The following MSRA variants were observed in gnomAD, a reference collection of about 807,000 sequenced individuals.
The protein encoded by MSRA is mitochondrial peptide methionine sulfoxide reductase.
MSRA carries 54 observed loss-of-function variants against 31.3 expected under a neutral mutation model. The ratio of observed to expected loss-of-function variants is 1.73; its 90% CI spans 1.39 to 2.17. The LOEUF is 2.17. Ranked by LOEUF, MSRA falls within the 30% of genes most tolerant of loss-of-function variation. MSRA has a pLI of 0.00. For missense variants in MSRA, 507 were observed against 300.9 expected, an observed-to-expected ratio of 1.69 and a Z score of -5.07; for synonymous variants, 169 against 116.5, an observed-to-expected ratio of 1.45 and a Z score of -2.90.
In MSRA at chr8:10,250,217, C is replaced by T. The variant is rs569823512; in HGVS notation, c.331+4994C>T. On this transcript the variant is annotated intron_variant, in intron 3 of 5. Coordinates refer to ENST00000317173, the MANE Select transcript of MSRA (RefSeq NM_012331.5). The stretch of plus-strand genomic sequence containing the variant: ...TGATTTTAGAAGTAATTGAGCTATT[C>T]AGATTCCTGAATACTCTGATAGAGA... Among the ~76,000 whole-genome samples, 33 of 152,254 alleles carry T rather than the reference C, an allele frequency of 2.2e-4. No individual in the cohort carries two copies. The South Asian group carries it at 6.6e-3, about 31-fold the overall frequency.
chr8:10,063,948 C>T (rs545877359), intron 1 of MSRA, among the ~76,000 whole-genome samples: 10 of 152,304 alleles, frequency 6.6e-5, no homozygotes, highest in African/African-American at 1.2e-4. Context: ...ACTTCTCTGC[C>T]GCCCCTTGGG....
chr8:10,193,752 G>C (rs1358499941), intron 1 of MSRA, among the ~76,000 whole-genome samples: 1 of 152,088 alleles, frequency 6.6e-6, no homozygotes. Context: ...AATATGCGCT[G>C]GGTTATCCAA....
At chr8:10,136,664 G>T (rs1279291911) in intron 1 of MSRA, among the ~76,000 whole-genome samples, 8 of 152,230 alleles carry the variant, frequency 5.3e-5, no homozygotes, top group Non-Finnish European at 1.0e-4. Context: ...GTTAGATGCA[G>T]GCCTTCCAGA....
At chr8:10,095,266 C>T (rs1442431478) in intron 1 of MSRA, among the ~76,000 whole-genome samples, 4 of 152,290 alleles carry the variant, frequency 2.6e-5, no homozygotes, top group African/African-American at 9.6e-5. Context: ...TTCTAGGGAA[C>T]AGATTCCTTA....
intron 4 of MSRA, among the ~76,000 whole-genome samples, chr8:10,307,529 C>A (rs35124054): frequency 0.017 from 2,634 of 152,254 alleles, 35 homozygotes; most frequent in South Asian, 0.038. Context: ...TTTAAAAAAG[C>A]AAATATATTA....
chr8:10,210,172 G>A (rs1317113613), intron 2 of MSRA, among the ~76,000 whole-genome samples: 2 of 152,060 alleles, frequency 1.3e-5, no homozygotes, highest in Non-Finnish European at 2.9e-5. Flanking sequence ...GGATACATTG[G>A]GCATTTCATC....
chr8:10,251,436 G>T (rs1285535228), intron 3 of MSRA, among the ~76,000 whole-genome samples: 1 of 152,088 alleles, frequency 6.6e-6, no homozygotes, highest in Non-Finnish European at 1.5e-5. Context: ...GTCAGTCAAG[G>T]TAAATTACTA....
chr8:10,156,288 G>A (rs1407815863), intron 1 of MSRA, among the ~76,000 whole-genome samples: 1 of 152,130 alleles, frequency 6.6e-6, no homozygotes, highest in African/African-American at 2.4e-5. Flanking sequence ...GTTGGATGAT[G>A]GTATTGAATC....
At chr8:10,083,880 C>G (rs539145036) in intron 1 of MSRA, among the ~76,000 whole-genome samples, 1 of 152,282 alleles carries the variant, frequency 6.6e-6, no homozygotes, top group Admixed American at 6.5e-5. Flanking sequence ...AAAATACTTT[C>G]TCTGAGAATT....
At chr8:10,343,074 C>CACA (rs1803542584) in intron 5 of MSRA, among the ~76,000 whole-genome samples, 1 of 150,554 alleles carries the variant, frequency 6.6e-6, no homozygotes, top group African/African-American at 2.5e-5. Flanking sequence ...CACACACACA[C>CACA]ATTTTAGCTT....
chr8:10,226,279 C>A (rs564577456), intron 2 of MSRA, among the ~76,000 whole-genome samples: 1 of 152,210 alleles, frequency 6.6e-6, no homozygotes, highest in African/African-American at 2.4e-5. Flanking sequence ...TAATAGCCCT[C>A]CCAGCTCTGC....
chr8:10,300,263 T>C (rs957151331), intron 3 of MSRA, among the ~76,000 whole-genome samples: 2 of 152,242 alleles, frequency 1.3e-5, no homozygotes, highest in East Asian at 3.9e-4. Context: ...TTCTTTCTTT[T>C]TTTTTTCTTT....
chr8:10,378,009 C>G (rs1183920203), intron 5 of MSRA, among the ~76,000 whole-genome samples: 1 of 152,228 alleles, frequency 6.6e-6, no homozygotes, highest in Non-Finnish European at 1.5e-5. Flanking sequence ...TAATCAGCAC[C>G]ACCTGCTCAA....
chr8:10,230,287 T>C (rs1037740236), intron 2 of MSRA, among the ~76,000 whole-genome samples: 5 of 152,224 alleles, frequency 3.3e-5, no homozygotes, highest in African/African-American at 9.6e-5. Context: ...TTGTATCTGA[T>C]TGACATTCTG....
chr8:10,078,349 T>A (rs963956045), intron 1 of MSRA, among the ~76,000 whole-genome samples: 4 of 152,116 alleles, frequency 2.6e-5, no homozygotes, highest in African/African-American at 9.7e-5. Context: ...GAATGGTTGG[T>A]TTGGGTGTAT....
intron 2 of MSRA, among the ~76,000 whole-genome samples, chr8:10,225,327 A>G (rs1810898827): frequency 1.3e-5 from 2 of 152,078 alleles, no homozygotes; most frequent in African/African-American, 4.8e-5. Flanking sequence ...TGTTTATGGG[A>G]TAAGGTTTAT....
intron 2 of MSRA, among the ~76,000 whole-genome samples, chr8:10,221,849 A>G (rs1810530508): frequency 6.6e-6 from 1 of 152,120 alleles, no homozygotes; most frequent in Non-Finnish European, 1.5e-5. Flanking sequence ...ATTTATGGAA[A>G]AAGTGTCCCA....
At chr8:10,417,145 C>A (rs1408045181) in intron 5 of MSRA, among the ~76,000 whole-genome samples, 1 of 152,150 alleles carries the variant, frequency 6.6e-6, no homozygotes, top group Non-Finnish European at 1.5e-5. Flanking sequence ...CAAGTTAGAT[C>A]TAATTGTGTC....
chr8:10,167,053 C>T (rs990886748), intron 1 of MSRA, among the ~76,000 whole-genome samples: 2 of 152,158 alleles, frequency 1.3e-5, no homozygotes, highest in African/African-American at 2.4e-5. Context: ...AATATCTTGG[C>T]GCTGGGCTAA....
Sources: gnomAD v4.1 joint callset for allele counts (sites outside exome capture counted in the v4.1 genomes callset) on GRCh38, gnomAD v4.1.1 for gene constraint, MANE v1.5 for transcripts, NCBI Gene and HGNC (gene_info 2026-07-23, HGNC 2026-07-21) for gene names.